SLC39A11: variants seen among roughly 807,000 people sequenced by gnomAD.
SLC39A11 encodes solute carrier family 39 member 11.
Under a neutral mutation model 36.1 loss-of-function variants are expected in SLC39A11, and 33 were observed. The observed-to-expected ratio is 0.91, with a 90% confidence interval of 0.69 to 1.22. SLC39A11 has a LOEUF of 1.22. SLC39A11 is among the 50% of genes most tolerant of loss of function. SLC39A11 has a pLI of 0.00. For synonymous variants in SLC39A11, 166 were observed against 170.3 expected, an observed-to-expected ratio of 0.97 and a Z score of 0.20; for missense variants, 432 against 430.3, an observed-to-expected ratio of 1.00 and a Z score of -0.03.
At chr17:72,819,219 A>C (rs1349829808) in intron 6 of SLC39A11, among the ~76,000 whole-genome samples, 1 of 151,238 alleles carries the variant, frequency 6.6e-6, no homozygotes, top group South Asian at 2.1e-4. Context: ...AAGTGTCCTC[A>C]TAAAAAGGGG....
At chr17:73,007,562 G>C (rs1435306710) in intron 4 of SLC39A11, among the ~76,000 whole-genome samples, 1 of 152,158 alleles carries the variant, frequency 6.6e-6, no homozygotes, top group African/African-American at 2.4e-5. Context: ...CTGGCAGAGG[G>C]AGAACACGAG....
intron 6 of SLC39A11, among the ~76,000 whole-genome samples, chr17:72,761,691 T>C (rs564440764): frequency 6.6e-6 from 1 of 152,284 alleles, no homozygotes; most frequent in Admixed American, 6.5e-5. Context: ...AAGCCCAAAC[T>C]TTTTCTTTTT....
chr17:72,836,250 G>A (rs766038721), intron 6 of SLC39A11, among the ~76,000 whole-genome samples: 16 of 152,128 alleles, frequency 1.1e-4, no homozygotes, highest in South Asian at 2.1e-4. Context: ...TGTGATCCAC[G>A]GGAAGAAAAG....
chr17:72,759,640 G>A (rs1305057073), intron 6 of SLC39A11, among the ~76,000 whole-genome samples: 2 of 152,112 alleles, frequency 1.3e-5, no homozygotes, highest in Admixed American at 1.3e-4. Flanking sequence ...CATTGCTATT[G>A]TCCATTCCAT....
intron 6 of SLC39A11, among the ~76,000 whole-genome samples, chr17:72,838,806 C>T (rs1390631464): frequency 2.6e-5 from 4 of 152,210 alleles, no homozygotes; most frequent in African/African-American, 9.6e-5. Flanking sequence ...AATCACAAGC[C>T]ACAAACGTCT....
intron 3 of SLC39A11, among the ~76,000 whole-genome samples, chr17:73,041,201 TC>T (rs2059104368): frequency 6.6e-6 from 1 of 152,104 alleles, no homozygotes; most frequent in Non-Finnish European, 1.5e-5. Context: ...TTCCAAATTC[TC>T]ACTGGAGTAA....
intron 5 of SLC39A11, among the ~76,000 whole-genome samples, chr17:72,903,594 C>T (rs1468755094): frequency 1.3e-5 from 2 of 152,166 alleles, no homozygotes; most frequent in Non-Finnish European, 2.9e-5. Context: ...GCCAAGCCCC[C>T]GGGTAATGAG....
At chr17:72,900,728 C>A (rs2082353006) in intron 5 of SLC39A11, among the ~76,000 whole-genome samples, 1 of 152,178 alleles carries the variant, frequency 6.6e-6, no homozygotes, top group African/African-American at 2.4e-5. Flanking sequence ...GTGAGCACTT[C>A]AACAGCATCT....
chr17:72,900,149 AAAGAAAAGAAAGAAAGAAAG>A (rs1438096078), intron 5 of SLC39A11, among the ~76,000 whole-genome samples: 1,990 of 114,060 alleles, frequency 0.017, 221 homozygotes, highest in Middle Eastern at 0.028. Context: ...AAAAAGAAAG[AAAGAAAAGAAAGAAAGAAAG>A]AAAGAAAGAA....
chr17:73,043,118 G>C (rs908312520), intron 3 of SLC39A11, among the ~76,000 whole-genome samples: 1 of 152,108 alleles, frequency 6.6e-6, no homozygotes, highest in Admixed American at 6.5e-5. Flanking sequence ...TACCAATATT[G>C]TTTCAAAATT....
intron 4 of SLC39A11, among the ~76,000 whole-genome samples, chr17:72,972,160 G>C (rs1351619281): frequency 6.6e-6 from 1 of 152,172 alleles, no homozygotes; most frequent in East Asian, 1.9e-4. Flanking sequence ...GTGAATAAAA[G>C]CATATCCCAC....
intron 4 of SLC39A11, among the ~76,000 whole-genome samples, chr17:73,016,386 T>G (rs1043505152): frequency 2.0e-5 from 3 of 151,414 alleles, no homozygotes; most frequent in African/African-American, 7.3e-5. Context: ...CACACTAGAG[T>G]GCAGTGGCAT....
intron 3 of SLC39A11, among the ~76,000 whole-genome samples, chr17:73,083,111 C>T (rs1210958918): frequency 6.6e-6 from 1 of 151,962 alleles, no homozygotes; most frequent in African/African-American, 2.4e-5. Context: ...AGGGGCCCTC[C>T]ATGTCTGCCT....
chr17:73,063,198 A>T lies in SLC39A11; in HGVS notation c.147+21610T>A, dbSNP rs115374815. Among the ~76,000 whole-genome samples, 1,349 of 152,314 alleles carry T rather than the reference A, an allele frequency of 8.9e-3. 20 individuals are homozygous for T. The highest frequency in any genetic ancestry group is 0.031 in the African/African-American group (1,278 of 41,558). On this transcript the variant is annotated intron_variant, in intron 3 of 9. Coordinates refer to ENST00000255559, the MANE Select transcript of SLC39A11 (RefSeq NM_139177.4). ...TCTTTTGGAAAGATAAAAATGACAAAAGGCATTTTTAAAAATGAATTTGAC... is the reference window on the plus strand; with the variant it reads ...TCTTTTGGAAAGATAAAAATGACAATAGGCATTTTTAAAAATGAATTTGAC...
intron 7 of SLC39A11, among the ~76,000 whole-genome samples, chr17:72,672,605 T>A (rs1598300401): frequency 6.6e-6 from 1 of 152,308 alleles, no homozygotes; most frequent in African/African-American, 2.4e-5. Flanking sequence ...GTCTGTTTTT[T>A]AATTTGTTTT....
chr17:72,882,538 A>T (rs2081247882), intron 5 of SLC39A11, among the ~76,000 whole-genome samples: 1 of 152,000 alleles, frequency 6.6e-6, no homozygotes, highest in South Asian at 2.1e-4. Context: ...CTCTCTGCAA[A>T]TTTTCTTTGA....
At chr17:72,695,947 C>T (rs1332429912) in intron 7 of SLC39A11, among the ~76,000 whole-genome samples, 1 of 152,216 alleles carries the variant, frequency 6.6e-6, no homozygotes, top group Non-Finnish European at 1.5e-5. Context: ...AGAGAATCAA[C>T]TTCTGCTGTT....
chr17:73,024,864 A>ATTTTTTTT (rs1163840820), intron 4 of SLC39A11, among the ~76,000 whole-genome samples: 169 of 97,840 alleles, frequency 1.7e-3, no homozygotes, highest in African/African-American at 4.2e-3. Context: ...TGCCCAGCTA[A>ATTTTTTTT]TTTTTTTTTT....
intron 4 of SLC39A11, among the ~76,000 whole-genome samples, chr17:72,967,042 T>A (rs1257755574): frequency 2.0e-5 from 3 of 152,318 alleles, no homozygotes; most frequent in African/African-American, 7.2e-5. Flanking sequence ...CCTGATGATC[T>A]GTCACCGCCT....
Sources: allele counts gnomAD v4.1 joint callset (sites outside exome capture counted in the v4.1 genomes callset), GRCh38; gene constraint gnomAD v4.1.1; transcripts MANE v1.5; gene names NCBI Gene and HGNC (gene_info 2026-07-23, HGNC 2026-07-21).